The following PTPRD variants were observed in gnomAD, a reference collection of about 807,000 sequenced individuals.
PTPRD encodes protein tyrosine phosphatase receptor type D.
In PTPRD, 34 loss-of-function variants were observed where a neutral mutation model predicts 214.5. The observed-to-expected ratio is 0.16, with a 90% CI of 0.12 to 0.21. PTPRD has a LOEUF of 0.21. Ranked by LOEUF, PTPRD falls within the 10% of genes least tolerant of loss-of-function variation. PTPRD has a pLI of 1.00. For missense variants in PTPRD, 2,545 were observed against 2,398.7 expected, an observed-to-expected ratio of 1.06 and a Z score of -1.27; for synonymous variants, 1,128 against 845.7, an observed-to-expected ratio of 1.33 and a Z score of -5.79.
chr9:9,672,702 G>A (rs1174735357), intron 7 of PTPRD, among the ~76,000 whole-genome samples: 2 of 151,796 alleles, frequency 1.3e-5, no homozygotes, highest in African/African-American at 4.8e-5. Context: ...ATCCTGACAG[G>A]GAGTTATTAT....
Position 8,492,829 on chromosome 9 carries a change from G to A in PTPRD, c.2467+33C>T, listed in dbSNP as rs1411247247. 4 of 1,523,832 alleles carry A rather than the reference G, an allele frequency of 2.6e-6. No homozygotes were observed. In the East Asian group the frequency reaches 9.1e-5, roughly 34 times the overall value. 94.4% of individuals were successfully genotyped at this position (1,523,832 alleles called of 1,614,324 possible). The stretch of plus-strand genomic sequence containing the variant: ...TACCATTTAAAAAGTTAGTATTACT[G>A]TTCAAGGCACATACATGCACAGACA... On this transcript the variant is annotated intron_variant, in intron 27 of 45. Coordinates refer to ENST00000381196, the MANE Select transcript of PTPRD (RefSeq NM_002839.4).
intron 39 of PTPRD, among the ~76,000 whole-genome samples, chr9:8,351,292 T>C (rs773696996): frequency 6.9e-4 from 105 of 152,262 alleles, no homozygotes; most frequent in Middle Eastern, 3.4e-3. Flanking sequence ...TGTACACATG[T>C]TAATGCACAA....
At chr9:8,919,499 C>T (rs1359476982) in intron 11 of PTPRD, among the ~76,000 whole-genome samples, 1 of 151,822 alleles carries the variant, frequency 6.6e-6, no homozygotes, top group Non-Finnish European at 1.5e-5. Flanking sequence ...CAGACTTGCT[C>T]TATTATTATA....
chr9:9,178,487 A>T (rs929733922), intron 10 of PTPRD, among the ~76,000 whole-genome samples: 10 of 152,048 alleles, frequency 6.6e-5, no homozygotes, highest in Non-Finnish European at 1.2e-4. Context: ...TGGGCAGGAC[A>T]TTTGCCTTCT....
chr9:8,641,067 C>T (rs748269884), intron 12 of PTPRD, among the ~76,000 whole-genome samples: 4 of 148,350 alleles, frequency 2.7e-5, no homozygotes, highest in Non-Finnish European at 4.4e-5. Context: ...ACCCACTTCC[C>T]TTCTCCATAT....
At chr9:10,549,174 G>C (rs1362335323) in intron 2 of PTPRD, among the ~76,000 whole-genome samples, 1 of 152,092 alleles carries the variant, frequency 6.6e-6, no homozygotes, top group Admixed American at 6.6e-5. Flanking sequence ...TATAAAAACT[G>C]TCTCCTGGTA....
At chr9:10,289,641 A>C (rs2095472372) in intron 3 of PTPRD, among the ~76,000 whole-genome samples, 1 of 152,188 alleles carries the variant, frequency 6.6e-6, no homozygotes, top group Non-Finnish European at 1.5e-5. Context: ...AATGACTTCT[A>C]ATATCGGAAG....
chr9:9,225,281 A>T (rs5001110), intron 9 of PTPRD, among the ~76,000 whole-genome samples: 117,216 of 151,890 alleles, frequency 0.77, 45,526 homozygotes, highest in Non-Finnish European at 0.81. Context: ...ACATATGAGC[A>T]TTAGGTAAAT....
At chr9:10,339,291 AG>A (rs1447922217) in intron 3 of PTPRD, among the ~76,000 whole-genome samples, 1 of 151,808 alleles carries the variant, frequency 6.6e-6, no homozygotes, top group Non-Finnish European at 1.5e-5. Context: ...ATTTGCATAA[AG>A]GCTTTTTCAT....
chr9:8,330,303 CTATTCA>C (rs1241867034), intron 44 of PTPRD, among the ~76,000 whole-genome samples: 1 of 152,144 alleles, frequency 6.6e-6, no homozygotes, highest in Admixed American at 6.5e-5. Flanking sequence ...AGAGCTATTC[CTATTCA>C]GCCATCTTTC....
chr9:8,836,586 C>CTTTT (rs2097427390), intron 11 of PTPRD, among the ~76,000 whole-genome samples: 1 of 105,288 alleles, frequency 9.5e-6, no homozygotes, highest in Non-Finnish European at 1.9e-5. Flanking sequence ...TTAATAAAAA[C>CTTTT]CTTTTTTTTT....
At chr9:10,041,669 T>C (rs1167782400) in intron 3 of PTPRD, among the ~76,000 whole-genome samples, 1 of 152,014 alleles carries the variant, frequency 6.6e-6, no homozygotes, top group Non-Finnish European at 1.5e-5. Context: ...ATCAATGTTA[T>C]GAAAATGTCA....
intron 9 of PTPRD, among the ~76,000 whole-genome samples, chr9:9,195,515 T>C (rs942728523): frequency 3.3e-5 from 5 of 152,138 alleles, no homozygotes; most frequent in African/African-American, 9.7e-5. Flanking sequence ...TGTTTCAGTA[T>C]GTTTTTCAGT....
intron 9 of PTPRD, among the ~76,000 whole-genome samples, chr9:9,385,439 C>T (rs2063578848): frequency 6.6e-6 from 1 of 152,150 alleles, no homozygotes; most frequent in African/African-American, 2.4e-5. Flanking sequence ...TCTCAAAATG[C>T]TTACAGATTC....
chr9:8,538,766 C>G (rs1445258229), intron 14 of PTPRD, among the ~76,000 whole-genome samples: 2 of 151,700 alleles, frequency 1.3e-5, no homozygotes, highest in Admixed American at 6.6e-5. Context: ...CCTAGCTGAA[C>G]CAAGAGAGGC....
At chr9:9,166,881 G>C (rs1179658024) in intron 10 of PTPRD, among the ~76,000 whole-genome samples, 1 of 152,096 alleles carries the variant, frequency 6.6e-6, no homozygotes, top group Non-Finnish European at 1.5e-5. Context: ...ATAGTTATAA[G>C]AGTCATATAG....
intron 2 of PTPRD, among the ~76,000 whole-genome samples, chr9:10,508,737 T>A (rs922391414): frequency 1.3e-5 from 2 of 151,954 alleles, no homozygotes; most frequent in African/African-American, 4.8e-5. Flanking sequence ...TAGGTGGGAA[T>A]TGAACAATGG....
At chr9:10,116,151 G>C (rs1187338165) in intron 3 of PTPRD, among the ~76,000 whole-genome samples, 1 of 151,958 alleles carries the variant, frequency 6.6e-6, no homozygotes, top group Non-Finnish European at 1.5e-5. Context: ...TCCAATATCT[G>C]AACATTAAGA....
At chr9:10,160,300 A>G (rs1376374204) in intron 3 of PTPRD, among the ~76,000 whole-genome samples, 1 of 152,072 alleles carries the variant, frequency 6.6e-6, no homozygotes, top group African/African-American at 2.4e-5. Flanking sequence ...TTGAAGCATG[A>G]GGATATTGAG....
Sources: gnomAD v4.1 joint callset for allele counts (sites outside exome capture counted in the v4.1 genomes callset) on GRCh38, gnomAD v4.1.1 for gene constraint, MANE v1.5 for transcripts, NCBI Gene and HGNC (gene_info 2026-07-23, HGNC 2026-07-21) for gene names.